The following PTPRT variants were observed in gnomAD, a reference collection of about 807,000 sequenced individuals.
The protein encoded by PTPRT is protein tyrosine phosphatase receptor type T.
A neutral mutation model predicts 176.8 loss-of-function variants in PTPRT; 56 were observed. The observed-to-expected ratio is 0.32, with a 90% CI of 0.26 to 0.40. The LOEUF (loss-of-function observed/expected upper bound fraction) is 0.40, where lower values mean the gene tolerates loss of function less well. PTPRT is among the 10% of genes least tolerant of loss of function. The pLI is 1.00. For synonymous variants in PTPRT, 783 were observed against 739.0 expected (o/e 1.06, Z -0.96); for missense variants, 1,540 against 1,908.2 (o/e 0.81, Z 3.60).
chr20:42,495,251 T>C (rs2071633401), intron 7 of PTPRT, among the ~76,000 whole-genome samples: 1 of 152,210 alleles, frequency 6.6e-6, no homozygotes, highest in South Asian at 2.1e-4. Context: ...CATATTTTCT[T>C]TGTTCAAGTT....
intron 7 of PTPRT, among the ~76,000 whole-genome samples, chr20:42,490,336 G>A (rs6030276): frequency 0.14 from 21,785 of 151,972 alleles, 3,810 homozygotes; most frequent in African/African-American, 0.42. Flanking sequence ...ATTTTCACTT[G>A]TGTAATATCT....
At chr20:42,280,350 A>C (rs1466786750) in intron 13 of PTPRT, among the ~76,000 whole-genome samples, 1 of 152,132 alleles carries the variant, frequency 6.6e-6, no homozygotes. Flanking sequence ...GAGAGGGGAT[A>C]ACTGAACTGT....
intron 8 of PTPRT, among the ~76,000 whole-genome samples, chr20:42,453,905 G>T (rs1350119117): frequency 6.6e-6 from 1 of 151,352 alleles, no homozygotes; most frequent in African/African-American, 2.4e-5. Context: ...CACTATGTTG[G>T]CCAGGCTGGT....
Position 42,096,737 on chromosome 20 carries a change from C to T in PTPRT, c.3846+1684G>A, listed in dbSNP as rs149777171. On this transcript the variant is annotated intron_variant, in intron 27 of 30. Transcript: ENST00000373187. ...TAACTGGGACTATAGACACATGGCA[C>T]CATGCCTGGCTAATTAAAATTTTTT... 2.2e-4 allele frequency among the ~76,000 whole-genome samples: 33 copies of T among 151,536 alleles called. 1 individual carries two copies. The East Asian group carries it at 5.8e-3, about 27-fold the overall frequency.
At chr20:42,632,426 T>C (rs1204232472) in intron 7 of PTPRT, among the ~76,000 whole-genome samples, 1 of 151,990 alleles carries the variant, frequency 6.6e-6, no homozygotes, top group Non-Finnish European at 1.5e-5. Context: ...GATTTCACCA[T>C]ATTGGTTAGG....
chr20:42,522,317 C>T (rs147780554), intron 7 of PTPRT, among the ~76,000 whole-genome samples: 7 of 151,692 alleles, frequency 4.6e-5, no homozygotes, highest in Admixed American at 1.3e-4. Flanking sequence ...AGTCCTATGA[C>T]TACATTCTGA....
chr20:42,343,293 G>A (rs1017416626), intron 11 of PTPRT, among the ~76,000 whole-genome samples: 5 of 152,044 alleles, frequency 3.3e-5, no homozygotes, highest in South Asian at 2.1e-4. Context: ...TCCCTCCCTC[G>A]GCATCTATTG....
intron 7 of PTPRT, among the ~76,000 whole-genome samples, chr20:42,597,893 C>A (rs1373724342): frequency 6.6e-6 from 1 of 152,172 alleles, no homozygotes; most frequent in Non-Finnish European, 1.5e-5. Context: ...TCTTATAATT[C>A]TGCCAACAGC....
chr20:42,394,872 G>A (rs2145683228), intron 9 of PTPRT, among the ~76,000 whole-genome samples: 1 of 152,264 alleles, frequency 6.6e-6, no homozygotes, highest in East Asian at 1.9e-4. Flanking sequence ...AGAATCCTCT[G>A]AAACCATTAA....
rs397864699 is a variant in PTPRT at position 42,136,232 on chromosome 20, C to CTTTTT, written c.2770+5678_2770+5682dup. Among the ~76,000 whole-genome samples, 74 of 63,048 alleles carry CTTTTT rather than the reference C, an allele frequency of 1.2e-3. 12 individuals are homozygous for CTTTTT. Among genetic ancestry groups the CTTTTT allele is most frequent in the East Asian group, 4.8e-3 (9 of 1,878 alleles). 41.4% of individuals were successfully genotyped at this position (63,048 alleles called of 152,430 possible). On this transcript the variant is annotated intron_variant, in intron 18 of 30. Coordinates refer to ENST00000373187, the MANE Select transcript of PTPRT (RefSeq NM_007050.6). ...GCACTACAGAGGGTAAAGAACAGTG[C>CTTTTT]TTTTTTTTTTTTTTTTTTTTTTTTT...
intron 2 of PTPRT, among the ~76,000 whole-genome samples, chr20:42,853,506 A>G (rs1440756158): frequency 6.6e-6 from 1 of 152,188 alleles, no homozygotes; most frequent in Non-Finnish European, 1.5e-5. Flanking sequence ...TGGAAGTCTG[A>G]TAGCCCAACA....
chr20:42,949,277 G>A (rs75234189), intron 1 of PTPRT, among the ~76,000 whole-genome samples: 605 of 152,270 alleles, frequency 4.0e-3, no homozygotes, highest in Middle Eastern at 6.8e-3. Context: ...CGCAGTAGTA[G>A]TGATGTTCTG....
chr20:42,859,106 G>A (rs1019124440), intron 2 of PTPRT, among the ~76,000 whole-genome samples: 4 of 152,116 alleles, frequency 2.6e-5, no homozygotes, highest in Admixed American at 6.5e-5. Flanking sequence ...GCTGGGGGTG[G>A]GGAAGAGAAG....
Position 42,744,154 on chromosome 20 carries a change from C to T in PTPRT, c.859+12308G>A, listed in dbSNP as rs554963943. 5.9e-5 allele frequency among the ~76,000 whole-genome samples: 9 copies of T among 152,294 alleles called. No individual in the cohort carries two copies. In the South Asian group the frequency reaches 1.2e-3, roughly 21 times the overall value. On this transcript the variant is annotated intron_variant, in intron 6 of 30. Transcript: ENST00000373187. Reference sequence around the variant, plus strand: ...CCTGACAGGAGGATCACCAGTCCTCCGACTCCTAGTGCAAGACCTACCCTT... The same window carrying T: ...CCTGACAGGAGGATCACCAGTCCTCTGACTCCTAGTGCAAGACCTACCCTT...
intron 6 of PTPRT, among the ~76,000 whole-genome samples, chr20:42,718,225 C>G (rs1015424942): frequency 6.6e-6 from 1 of 152,214 alleles, no homozygotes; most frequent in Non-Finnish European, 1.5e-5. Context: ...TATATTCATT[C>G]CATGACATAC....
At chr20:42,923,180 C>T (rs1463632318) in intron 1 of PTPRT, among the ~76,000 whole-genome samples, 1 of 152,152 alleles carries the variant, frequency 6.6e-6, no homozygotes, top group Non-Finnish European at 1.5e-5. Flanking sequence ...AAAAACCTAG[C>T]AATCCAGAAC....
In PTPRT at chr20:42,739,608, A is replaced by C. The variant is rs1347192345; in HGVS notation, c.859+16854T>G. Among the ~76,000 whole-genome samples, 4 of 152,302 alleles carry C rather than the reference A, an allele frequency of 2.6e-5. No individual in the cohort carries two copies. The East Asian group carries it at 7.7e-4, about 29-fold the overall frequency. On this transcript the variant is annotated intron_variant, in intron 6 of 30. Coordinates refer to ENST00000373187, the MANE Select transcript of PTPRT (RefSeq NM_007050.6). Reference sequence around the variant, plus strand: ...GAAGCACAGGGACAGGCAGAAAGAGAAGCTGAGAGGGACTGAGACTCTGAA... The same window carrying C: ...GAAGCACAGGGACAGGCAGAAAGAGCAGCTGAGAGGGACTGAGACTCTGAA...
At chr20:42,142,642 CTA>C (rs1988683331) in intron 17 of PTPRT, among the ~76,000 whole-genome samples, 1 of 152,164 alleles carries the variant, frequency 6.6e-6, no homozygotes, top group African/African-American at 2.4e-5. Flanking sequence ...CCTATACATA[CTA>C]TGTTTTTTCT....
intron 1 of PTPRT, among the ~76,000 whole-genome samples, chr20:43,147,830 G>T (rs1210465953): frequency 6.6e-6 from 1 of 152,130 alleles, no homozygotes; most frequent in Non-Finnish European, 1.5e-5. Flanking sequence ...AGACTTCCAA[G>T]GTGCCTTCGG....
Sources: gnomAD v4.1 joint callset for allele counts (sites outside exome capture counted in the v4.1 genomes callset) on GRCh38, gnomAD v4.1.1 for gene constraint, MANE v1.5 for transcripts, NCBI Gene and HGNC (gene_info 2026-07-23, HGNC 2026-07-21) for gene names.